LARP7: variants seen among roughly 807,000 people sequenced by gnomAD.
The protein encoded by LARP7 is La ribonucleoprotein 7, transcriptional regulator, also known as la-related protein 7.
A neutral mutation model predicts 69.3 loss-of-function variants in LARP7; 52 were observed. The observed-to-expected ratio is 0.75, with a 90% CI of 0.60 to 0.95. The LOEUF (loss-of-function observed/expected upper bound fraction) is 0.95, where lower values mean the gene tolerates loss of function less well. LARP7 is among the 40% of genes least tolerant of loss of function. LARP7 has a pLI of 0.00. For synonymous variants in LARP7, 254 were observed against 215.9 expected (o/e 1.18, Z -1.55); for missense variants, 733 against 673.0 (o/e 1.09, Z -0.99).
chr4:112,646,756 T>TG, intron 4 of LARP7, 35 bp from the exon 5 acceptor site: 2 of 1,558,620 alleles, frequency 1.3e-6, no homozygotes, highest in Non-Finnish European at 1.7e-6. Flanking sequence ...ATTCTGATTG[T>TG]GAAAAACTCT....
Position 112,649,581 on chromosome 4 carries a change from G to A in LARP7, c.1189G>A (p.Ala397Thr). The A allele has an allele frequency of 6.2e-7, 1 of 1,606,950 alleles. No homozygotes were observed. Among genetic ancestry groups the A allele is most frequent in the Non-Finnish European group, 8.5e-7 (1 of 1,176,414 alleles). ...AAAAGAGTATTTAGCGCTACAAAAA[G>A]CTAGCATGGCTTCTTTAAAAAAAAC... ...LKKEYLALQK[A>T]SMASLKKTIS... is the part of the protein sequence containing the mutation. The change falls in exon 9 of 13, where the codon GCT becomes ACT. Residue 397 changes from alanine to threonine, a missense_variant. Ala to Thr is a moderately conservative substitution (Grantham distance 58). Transcript: ENST00000344442.
At chr4:112,654,757 A>C (rs1353567886) in intron 12 of LARP7, 1 of 152,280 alleles carries the variant, frequency 6.6e-6, no homozygotes, top group South Asian at 2.1e-4. Flanking sequence ...GCAACATAGC[A>C]AGACCCTGTC....
At chr4:112,655,104 G>A (rs1179969140) in intron 12 of LARP7, among the ~76,000 whole-genome samples, 1 of 151,570 alleles carries the variant, frequency 6.6e-6, no homozygotes, top group Non-Finnish European at 1.5e-5. Flanking sequence ...TGTGAATTTT[G>A]TTTCCTTGAA....
At chr4:112,640,019 A>G (rs2047898190) in intron 1 of LARP7, among the ~76,000 whole-genome samples, 1 of 152,002 alleles carries the variant, frequency 6.6e-6, no homozygotes, top group Non-Finnish European at 1.5e-5. Flanking sequence ...AATCACTGCA[A>G]CCTCTGCCTC....
rs35719274 is a variant in LARP7, at chr4:112,657,170, T to TTGTGTG, written c.1669-51_1669-46dup. 0.035 allele frequency: 18,089 copies of TTGTGTG among 515,352 alleles called. 296 individuals are homozygous for TTGTGTG. Among genetic ancestry groups the TTGTGTG allele is most frequent in the East Asian group, 0.17 (4,350 of 25,690 alleles). The allele number at this position is 515,352 out of a possible 1,614,324, so 31.9% of individuals were successfully genotyped here. ...TGTGAAATTTTTTCTAGTCATAGTT[T>TTGTGTG]TGTGTGTGTGTGTGTGTGTGTGTGT... On this transcript the variant is annotated intron_variant, in intron 12 of 12. Coordinates refer to ENST00000344442, the MANE Select transcript of LARP7 (RefSeq NM_016648.4).
Position 112,647,512 on chromosome 4 carries a change from C to G in LARP7, c.960C>G (p.Ile320Met), listed in dbSNP as rs757156044. 1 of 1,612,318 alleles carries G rather than the reference C, an allele frequency of 6.2e-7. No homozygotes were observed. The highest frequency in any genetic ancestry group is 8.5e-7 in the Non-Finnish European group (1 of 1,179,298). The change falls in exon 7 of 13, where the codon ATC (isoleucine) becomes ATG (methionine). Residue 320 changes from isoleucine (I) to methionine (M), a missense_variant. Physicochemically the swap from Ile to Met is conservative, Grantham distance 10 (BLOSUM62 1). Transcript: ENST00000344442. ...SKVKKIIQKD[I>M]IKEASEASKE... ...TAAAGAAAATTATTCAGAAAGACATCATTAAGGAAGCATCAGAAGCTTCCA... is the reference window on the plus strand; with the variant it reads ...TAAAGAAAATTATTCAGAAAGACATGATTAAGGAAGCATCAGAAGCTTCCA...
At chr4:112,649,743 A>T in intron 9 of LARP7, 57 bp downstream of exon 9, 1 of 1,120,592 alleles carries the variant, frequency 8.9e-7, no homozygotes, top group South Asian at 2.0e-5. Context: ...TGTAAATGCT[A>T]TCTCTGAGTT....
At chr4:112,644,614 A>G (rs1324973078) in intron 1 of LARP7, 54 bp from the exon 2 acceptor site, 5 of 1,329,136 alleles carry the variant, frequency 3.8e-6, no homozygotes, top group African/African-American at 1.5e-5. Context: ...ATATTTAACT[A>G]TATTAGCTAT....
At position 112,646,458 on chromosome 4, in the gene LARP7, A is replaced by T; in HGVS notation, c.303+7A>T. ...AAGTTCAGCTGTTGTAGAGGTAAGA[A>T]TCAAGAATAACTACTGTTTATATTT... On this transcript the variant is annotated splice_region_variant and intron_variant, in intron 3 of 12. Coordinates refer to ENST00000344442, the MANE Select transcript of LARP7 (RefSeq NM_016648.4). 1.3e-6 allele frequency: 2 copies of T among 1,511,976 alleles called. No homozygotes were observed. Among genetic ancestry groups the T allele is most frequent in the Non-Finnish European group, 1.8e-6 (2 of 1,094,688 alleles). 93.7% of individuals were successfully genotyped at this position (1,511,976 alleles called of 1,614,324 possible). A position where few individuals can be genotyped will look rare whatever the true frequency, so the allele number is the denominator to read the frequency against.
intron 1 of LARP7, among the ~76,000 whole-genome samples, chr4:112,638,178 C>T (rs986065077): frequency 6.6e-6 from 1 of 152,048 alleles, no homozygotes; most frequent in Non-Finnish European, 1.5e-5. Context: ...CACCTGTAGT[C>T]CCAGCTACTC....
At chr4:112,652,293 T>TTCC (rs2048778294) in intron 10 of LARP7, among the ~76,000 whole-genome samples, 7 of 97,256 alleles carry the variant, frequency 7.2e-5, no homozygotes, top group Non-Finnish European at 9.4e-5. Context: ...AAATAAGATT[T>TTCC]CCCCCCCCCC....
chr4:112,648,322 C>CA (rs537751343), intron 8 of LARP7: 2 of 528,866 alleles, frequency 3.8e-6, no homozygotes, highest in Admixed American at 2.0e-5. Context: ...AACACAATAA[C>CA]AAAAAAATTT....
Position 112,646,633 on chromosome 4 carries a change from G to C in LARP7, c.349G>C (p.Glu117Gln). Residue 117 changes from glutamate to glutamine, a missense_variant, in exon 4 of 13, where the codon GAA becomes CAA. Coordinates refer to ENST00000344442, the MANE Select transcript of LARP7 (RefSeq NM_016648.4). ...AATCCGGAGGAAAAAACCTCTGGGG[G>C]AAAGACCAAAGGATGAGGATGAACG... ...TRIRRKKPLGERPKDEDERTV... is the reference protein window; with the variant it reads ...TRIRRKKPLGQRPKDEDERTV... 6.2e-7 allele frequency: 1 copy of C among 1,604,866 alleles called. No homozygotes were observed. Among genetic ancestry groups the C allele is most frequent in the Non-Finnish European group, 8.5e-7 (1 of 1,175,100 alleles).
rs373167325 is a variant in LARP7 at position 112,647,322 on chromosome 4, C to A, written c.770C>A (p.Thr257Lys). ...AGTAAAATGAAAAGATCCAGACCCA[C>A]ATCTGAGGGCTCTGACATTGAGTCC... ...SISKMKRSRP[T>K]SEGSDIESTE... is the part of the protein sequence containing the mutation. The change falls in exon 7 of 13, where the codon ACA (threonine) becomes AAA (lysine). Residue 257 changes from threonine to lysine, a missense_variant. Coordinates refer to ENST00000344442, the MANE Select transcript of LARP7 (RefSeq NM_016648.4). 1.9e-6 allele frequency: 3 copies of A among 1,614,040 alleles called. No individual in the cohort carries two copies. In the South Asian group the frequency reaches 3.3e-5, roughly 18 times the overall value.
Position 112,645,737 on chromosome 4 carries a change from G to A in LARP7, c.203-614G>A, listed in dbSNP as rs554911379. 179 of 387,862 alleles carry A rather than the reference G, an allele frequency of 4.6e-4. 1 individual carries two copies. In the Middle Eastern group the frequency reaches 8.0e-3, roughly 17 times the overall value. 24.0% of individuals were successfully genotyped at this position (387,862 alleles called of 1,614,324 possible). A position where few individuals can be genotyped will look rare whatever the true frequency, so the allele number is the denominator to read the frequency against. On this transcript the variant is annotated intron_variant, in intron 2 of 12. Transcript: ENST00000344442. The stretch of plus-strand genomic sequence containing the variant: ...GGGTCCCACCATGTTGCCCAGGCTG[G>A]TCTTGAGCTCCTGAGCTCAAGAGAT...
chr4:112,653,782 C>T (rs1325371847), intron 11 of LARP7, among the ~76,000 whole-genome samples: 12 of 152,176 alleles, frequency 7.9e-5, no homozygotes, highest in Admixed American at 7.2e-4. Flanking sequence ...AGCCACTGCA[C>T]CAGGCAATTT....
intron 12 of LARP7, among the ~76,000 whole-genome samples, chr4:112,656,459 AAAGATC>A (rs1370552569): frequency 1.3e-5 from 2 of 152,222 alleles, no homozygotes; most frequent in Non-Finnish European, 2.9e-5. Flanking sequence ...ATGTATCACA[AAAGATC>A]AAGAAGATGA....
Position 112,654,125 on chromosome 4 carries a change from A to G in LARP7, c.1634A>G (p.Asn545Ser), listed in dbSNP as rs769360149. The G allele has an allele frequency of 2.5e-6, 4 of 1,613,978 alleles. No homozygotes were observed. The highest frequency in any genetic ancestry group is 2.2e-5 in the East Asian group (1 of 44,820). ...TTGGTTGATAGACAGGCAAAACTTA[A>G]TCAGCCTCGGGAAAAGAAAAGAGGC... ...KILVDRQAKL[N>S]QPREKKRGTE... Residue 545 changes from asparagine (N) to serine (S), a missense_variant, in exon 12 of 13, where the codon AAT becomes AGT. By Grantham distance (46) the Asn-to-Ser change is conservative (BLOSUM62 1). Coordinates refer to ENST00000344442, the MANE Select transcript of LARP7 (RefSeq NM_016648.4).
rs187227306 is a variant in LARP7 at position 112,643,397 on chromosome 4, C to T, written c.-2-1271C>T. On this transcript the variant is annotated intron_variant, in intron 1 of 12. Transcript: ENST00000344442. ...CAAAGAGAACAGGTTTAAAAGACCCCGTTAGACATTGCTGGGTGAGCTTCA... is the reference window on the plus strand; with the variant it reads ...CAAAGAGAACAGGTTTAAAAGACCCTGTTAGACATTGCTGGGTGAGCTTCA... 1.2e-4 allele frequency among the ~76,000 whole-genome samples: 18 copies of T among 152,226 alleles called. No individual in the cohort carries two copies. In the South Asian group the frequency reaches 1.2e-3, roughly 11 times the overall value.
Sources: gnomAD v4.1 joint callset for allele counts (sites outside exome capture counted in the v4.1 genomes callset) on GRCh38, gnomAD v4.1.1 for gene constraint, MANE v1.5 for transcripts, NCBI Gene and HGNC (gene_info 2026-07-23, HGNC 2026-07-21) for gene names.